The following ZNF582 variants were observed in gnomAD, a reference collection of about 807,000 sequenced individuals.
ZNF582 encodes the protein zinc finger protein 582.
ZNF582 carries 14 observed loss-of-function variants against 12.3 expected under a neutral mutation model. The ratio of observed to expected loss-of-function variants is 1.14; its 90% CI spans 0.75 to 1.78. ZNF582 has a LOEUF of 1.78. Ranked by LOEUF, ZNF582 falls within the 40% of genes most tolerant of loss-of-function variation. The pLI is 0.00. For missense variants in ZNF582, 567 were observed against 616.5 expected (o/e 0.92, Z 0.85); for synonymous variants, 210 against 207.2 (o/e 1.01, Z -0.11).
chr19:56,390,035 C>T (rs768636424), exon 4 of ZNF582: 1 of 1,614,018 alleles, frequency 6.2e-7, no homozygotes, highest in Admixed American at 1.7e-5. Context: ...CTCTCTCCAC[C>T]ATCCAGGGCT....
At chr19:56,383,860 A>T in exon 5 of ZNF582, 1 of 1,546,476 alleles carries the variant, frequency 6.5e-7, no homozygotes, top group Non-Finnish European at 8.7e-7. Context: ...AGTCACAATT[A>T]GCCTAGGCTA....
chr19:56,390,254 C>T (rs1465331382), intron 3 of ZNF582, 121 bp downstream of exon 3: 13 of 1,486,536 alleles, frequency 8.7e-6, no homozygotes, highest in Admixed American at 3.6e-5. Context: ...CAGCCGACAG[C>T]GCCGCCCTTT....
Position 56,391,649 on chromosome 19 carries a change from A to G in ZNF582, c.9+95T>C, listed in dbSNP as rs1445761474. The G allele has an allele frequency of 2.7e-6, 3 of 1,123,072 alleles. No homozygotes were observed. In the East Asian group the frequency reaches 7.0e-5, roughly 26 times the overall value. 69.6% of individuals were successfully genotyped at this position (1,123,072 alleles called of 1,614,324 possible). A position where few individuals can be genotyped will look rare whatever the true frequency, so the allele number is the denominator to read the frequency against. ...TCCTGCCTGGTCCTTTTATTCCCTA[A>G]AATGGGAAAGTCTGAGAACCAAATT... is the stretch of plus-strand genomic sequence containing the variant. On this transcript the variant is annotated intron_variant, in intron 2 of 4. Coordinates refer to ENST00000586929, the Ensembl canonical transcript of ZNF582.
In ZNF582 at chr19:56,392,277, G is replaced by T. The variant is rs1276685850; in HGVS notation, c.-80-445C>A. ...TATAACACCTTTGAAAGTCTACCTG[G>T]CTCTTTTCCCAACCGCCAAATATAC... On this transcript the variant is annotated intron_variant, in intron 1 of 4. Transcript: ENST00000586929. Among the ~76,000 whole-genome samples the T allele has an allele frequency of 2.8e-4, 43 of 152,196 alleles. 1 individual carries two copies. The highest frequency in any genetic ancestry group is 2.7e-3 in the Admixed American group (42 of 15,282).
intron 4 of ZNF582, 112 bp from the exon 5 acceptor site, chr19:56,385,296 T>A: frequency 1.8e-6 from 2 of 1,092,044 alleles, no homozygotes; most frequent in Non-Finnish European, 2.5e-6. Context: ...TGAATGTAGC[T>A]AAGCAATTAT....
At chr19:56,393,125 G>GAT in intron 1 of ZNF582, 95 bp downstream of exon 1, 4 of 1,060,848 alleles carry the variant, frequency 3.8e-6, no homozygotes, top group Non-Finnish European at 4.9e-6. Flanking sequence ...CATGAAACAA[G>GAT]ATTTCCTCTC....
At chr19:56,385,285 T>C (rs1039162122) in intron 4 of ZNF582, 101 bp from the exon 5 acceptor site, 1 of 1,210,106 alleles carries the variant, frequency 8.3e-7, no homozygotes, top group Non-Finnish European at 1.1e-6. Flanking sequence ...CTATTAACTC[T>C]TGAATGTAGC....
At chr19:56,391,894 G>A in intron 1 of ZNF582, 62 bp from the exon 2 acceptor site, 1 of 1,453,798 alleles carries the variant, frequency 6.9e-7, no homozygotes, top group Non-Finnish European at 9.5e-7. Context: ...AGAATGCCAA[G>A]TTACAAGTCC....
At chr19:56,388,517 T>C (rs772308919) in intron 4 of ZNF582, 5 of 152,378 alleles carry the variant, frequency 3.3e-5, no homozygotes, top group Non-Finnish European at 4.4e-5. Flanking sequence ...AAGCACAATA[T>C]TTATATCCTC....
At chr19:56,385,966 AGAGT>A (rs1395050642) in intron 4 of ZNF582, among the ~76,000 whole-genome samples, 1 of 152,190 alleles carries the variant, frequency 6.6e-6, no homozygotes, top group Non-Finnish European at 1.5e-5. Flanking sequence ...TGCCCCCAAA[AGAGT>A]GAATTTTAAA....
intron 4 of ZNF582, chr19:56,387,686 C>G (rs1278999991): frequency 1.3e-5 from 2 of 152,192 alleles, no homozygotes. Context: ...CAACCTCAAA[C>G]TCCTAGGCTC....
At position 56,385,201 on chromosome 19, in the gene ZNF582, G is replaced by C; in HGVS notation, c.233-17C>G. 6.4e-7 allele frequency: 1 copy of C among 1,551,928 alleles called. No individual in the cohort carries two copies. Among genetic ancestry groups the C allele is most frequent in the Non-Finnish European group, 8.6e-7 (1 of 1,159,004 alleles). ...ACTCCAATACTAAGAATGAAAAAAA[G>C]CGAATATGTTTGGCTTCTTTTTTTT... is the stretch of plus-strand genomic sequence containing the variant. On this transcript the variant is annotated splice_polypyrimidine_tract_variant and intron_variant, in intron 4 of 4. Transcript: ENST00000586929.
At chr19:56,393,306 T>C in exon 1 of ZNF582, 3 of 1,212,136 alleles carry the variant, frequency 2.5e-6, no homozygotes, top group South Asian at 2.7e-5. Context: ...GCGGGAAATG[T>C]AGTCTCACGC....
At chr19:56,388,056 T>C (rs746698601) in intron 4 of ZNF582, among the ~76,000 whole-genome samples, 3 of 152,104 alleles carry the variant, frequency 2.0e-5, no homozygotes, top group African/African-American at 4.8e-5. Flanking sequence ...CGGATGTCAA[T>C]TGTGTGGACT....
At chr19:56,388,145 G>C (rs541220281) in intron 4 of ZNF582, 2 of 152,002 alleles carry the variant, frequency 1.3e-5, no homozygotes, top group Non-Finnish European at 2.9e-5. Context: ...AAAAAAAGGG[G>C]GGGGGGATTA....
rs752539962 is a variant in ZNF582 at position 56,390,538 on chromosome 19, A to G, written c.10-37T>C. The stretch of plus-strand genomic sequence containing the variant: ...GGCATGTATGATATATATGTATTTC[A>G]ATGGTTCACAGTGGGATGAAAGGAG... On this transcript the variant is annotated intron_variant, in intron 2 of 4. Coordinates refer to ENST00000586929, the Ensembl canonical transcript of ZNF582. 5 of 1,612,148 alleles carry G rather than the reference A, an allele frequency of 3.1e-6. No individual in the cohort carries two copies. The African/African-American group carries it at 6.7e-5, about 22-fold the overall frequency.
At chr19:56,393,496 G>C (rs778151073) in exon 1 of ZNF582, 5 of 508,652 alleles carry the variant, frequency 9.8e-6, no homozygotes, top group South Asian at 7.2e-5. Flanking sequence ...GCAGCCCAGG[G>C]CGCGCTTCCA....
exon 5 of ZNF582, chr19:56,384,361 T>G: frequency 6.2e-7 from 1 of 1,612,334 alleles, no homozygotes; most frequent in Non-Finnish European, 8.5e-7. Flanking sequence ...GTATAAGAGT[T>G]GAGCCTTGAT....
exon 5 of ZNF582, chr19:56,383,548 A>G: frequency 4.8e-6 from 1 of 208,536 alleles, no homozygotes; most frequent in Non-Finnish European, 9.4e-6. Context: ...TAATTGCATG[A>G]TTTCTTTGTT....
Sources: allele counts gnomAD v4.1 joint callset (sites outside exome capture counted in the v4.1 genomes callset), GRCh38; gene constraint gnomAD v4.1.1; transcripts MANE v1.5; gene names NCBI Gene and HGNC (gene_info 2026-07-23, HGNC 2026-07-21).